The following TOP1MT variants were observed in gnomAD, a reference collection of about 807,000 sequenced individuals.
TOP1MT encodes the protein DNA topoisomerase I mitochondrial, also known as DNA topoisomerase I, mitochondrial.
In TOP1MT, 80 loss-of-function variants were observed where a neutral mutation model predicts 73.9. The ratio of observed to expected loss-of-function variants is 1.08; its 90% CI spans 0.90 to 1.30. TOP1MT has a LOEUF of 1.30. TOP1MT is among the 50% of genes most tolerant of loss of function. The probability of loss-of-function intolerance (pLI) is 0.00; values close to 1 mark genes in which losing one functional copy is unlikely to be tolerated. For missense variants in TOP1MT, 815 were observed against 808.0 expected, an observed-to-expected ratio of 1.01 and a Z score of -0.10; for synonymous variants, 338 against 326.4, an observed-to-expected ratio of 1.04 and a Z score of -0.38.
In TOP1MT at chr8:143,326,322, T is replaced by A. The variant is rs374458550; in HGVS notation, c.383A>T (p.Glu128Val). ...ACACTTGTCCAGGCTCTTGATGACTTCCCTCTCTTCCACCGCCATTTCCTG... is the reference window on the plus strand; with the variant it reads ...ACACTTGTCCAGGCTCTTGATGACTACCCTCTCTTCCACCGCCATTTCCTG... ...WRKEMAVEER[E>V]VIKSLDKCDF... is the part of the protein sequence containing the mutation. Residue 128 changes from glutamate (E) to valine (V), a missense_variant, in exon 4 of 14, where the codon GAA becomes GTA. Physicochemically the swap from Glu to Val is moderately radical, Grantham distance 121. Around this residue, in one of 3 missense-constraint regions of TOP1MT, gnomAD observed 751 missense variants for 725.4 expected, o/e 1.04. Transcript: ENST00000329245. 7 of 1,613,862 alleles carry A rather than the reference T, an allele frequency of 4.3e-6. No homozygotes were observed. The African/African-American group carries it at 5.3e-5, about 12-fold the overall frequency.
chr8:143,354,922 G>A (rs1459138875), intron 1 of TOP1MT, among the ~76,000 whole-genome samples: 1 of 152,140 alleles, frequency 6.6e-6, no homozygotes, highest in Non-Finnish European at 1.5e-5. Context: ...AAGAAAAAAA[G>A]GAAAGTGACG....
rs184814384 is a variant in TOP1MT, at chr8:143,331,261, G to C, written c.201C>G (p.Tyr67Ter). Residue 67 changes from tyrosine to a stop codon, truncating the protein, a stop_gained, in exon 2 of 14, where the codon TAC becomes TAG. Transcript: ENST00000329245. LOFTEE classifies it high-confidence loss of function. ...EHKGPYFAPP[Y>*]EPLPDGVRFF... ...AACGCACTCCGTCGGGAAGGGGCTC[G>C]TATGGGGGTGCGAAGTACGGGCCCT... The C allele has an allele frequency of 3.7e-6, 6 of 1,612,078 alleles. No homozygotes were observed. The highest frequency in any genetic ancestry group is 3.3e-5 in the Admixed American group (2 of 59,938).
intron 12 of TOP1MT, among the ~76,000 whole-genome samples, chr8:143,314,546 A>G: frequency 6.8e-6 from 1 of 147,272 alleles, no homozygotes; most frequent in South Asian, 2.2e-4. Flanking sequence ...GTGAGCTGAG[A>G]CCGCGCCAGC....
chr8:143,323,070 C>CACACGCACGCCACACACAGGCATGCCAA, intron 7 of TOP1MT, among the ~76,000 whole-genome samples: 1 of 140,628 alleles, frequency 7.1e-6, no homozygotes, highest in South Asian at 2.3e-4. Context: ...AGGCACACCA[C>CACACGCACGCCACACACAGGCATGCCAA]ACACGCACGC....
chr8:143,309,492 C>T lies in TOP1MT; in HGVS notation c.1755G>A (p.Arg585=), dbSNP rs1341307057. 6.2e-7 allele frequency: 1 copy of T among 1,614,052 alleles called. No homozygotes were observed. Among genetic ancestry groups the T allele is most frequent in the Middle Eastern group, 1.6e-4 (1 of 6,062 alleles). Residue 585 remains arginine (R), a synonymous_variant, in exon 14 of 14, where the codon CGG becomes CGA. Transcript: ENST00000329245. ...TGGCGAGAGCCCAGGCGAACCTCTC[C>T]CGCTGTGTTTTGCTGTAGATCTTCT... ...PVEKIYSKTQ[R]ERFAWALAMA...
At chr8:143,358,533 T>C (rs1344859379), upstream of TOP1MT, 1 of 152,216 alleles carries the variant, frequency 6.6e-6, no homozygotes, top group Non-Finnish European at 1.5e-5. Context: ...AAATCCATCA[T>C]CATAAACATG....
upstream of TOP1MT, among the ~76,000 whole-genome samples, chr8:143,356,528 C>T (rs1041916802): frequency 6.6e-6 from 1 of 152,218 alleles, no homozygotes; most frequent in Non-Finnish European, 1.5e-5. Context: ...TGGCTCACGC[C>T]TGTAATCCCA....
intron 8 of TOP1MT, among the ~76,000 whole-genome samples, chr8:143,320,944 G>T (rs968973373): frequency 4.6e-5 from 7 of 152,154 alleles, no homozygotes; most frequent in Non-Finnish European, 1.0e-4. Context: ...GCTCCGGCCG[G>T]GGGGCAGGAG....
At chr8:143,353,482 C>A (rs1383344180) in intron 1 of TOP1MT, among the ~76,000 whole-genome samples, 1 of 151,494 alleles carries the variant, frequency 6.6e-6, no homozygotes, top group African/African-American at 2.4e-5. Context: ...TACAAATGGC[C>A]GATAAACACA....
At position 143,329,397 on chromosome 8, in the gene TOP1MT, T is replaced by A. The variant is rs997502977; in HGVS notation, c.313A>T (p.Thr105Ser). The change falls in exon 3 of 14, where the codon ACA (threonine) becomes TCA (serine). Residue 105 changes from threonine to serine, a missense_variant. Around this residue, in one of 3 missense-constraint regions of TOP1MT, gnomAD observed 751 missense variants for 725.4 expected, o/e 1.04. Coordinates refer to ENST00000329245, the MANE Select transcript of TOP1MT (RefSeq NM_052963.3). ...TTCTTCCGGAAAACCTCCTTTGTTG[T>A]GTATTCATGATCTAACATCCTCCCA... is the stretch of plus-strand genomic sequence containing the variant. The part of the protein sequence containing the change: ...FYGRMLDHEY[T>S]TKEVFRKNFF... 7.5e-6 allele frequency: 12 copies of A among 1,610,300 alleles called. No homozygotes were observed. The highest frequency in any genetic ancestry group is 1.0e-5 in the Non-Finnish European group (12 of 1,179,066).
rs372788685 is a variant in TOP1MT at position 143,316,029 on chromosome 8, G to A, written c.1428C>T (p.Phe476=). The stretch of plus-strand genomic sequence containing the variant: ...TCTGGAGATTCTGCATCGACTTCTC[G>A]AACGTACTGGGGGTTGCTCGCTGAT... ...CNHQRATPST[F]EKSMQNLQTK... The change falls in exon 11 of 14, where the codon TTC becomes TTT. Residue 476 remains phenylalanine, a synonymous_variant. Coordinates refer to ENST00000329245, the MANE Select transcript of TOP1MT (RefSeq NM_052963.3). 18 of 1,614,014 alleles carry A rather than the reference G, an allele frequency of 1.1e-5. 1 individual carries two copies. The highest frequency in any genetic ancestry group is 6.6e-5 in the South Asian group (6 of 91,084).
At chr8:143,351,586 A>G (rs1479618705) in intron 1 of TOP1MT, among the ~76,000 whole-genome samples, 1 of 151,946 alleles carries the variant, frequency 6.6e-6, no homozygotes, top group Non-Finnish European at 1.5e-5. Context: ...TCTCAAAAAA[A>G]AAAAAAGAAA....
chr8:143,359,147 T>G, upstream of TOP1MT: 1 of 887,214 alleles, frequency 1.1e-6, no homozygotes, highest in Non-Finnish European at 1.3e-6. Context: ...GGCCCTTAAG[T>G]AGACTATTTT....
At chr8:143,310,316 G>GCCCTGT (rs1815977108) in intron 12 of TOP1MT, 99 bp from the exon 13 acceptor site, 5 of 895,572 alleles carry the variant, frequency 5.6e-6, no homozygotes, top group Non-Finnish European at 8.1e-6. Context: ...TCCCAGTGCA[G>GCCCTGT]CCCTGTCCCT....
At chr8:143,324,976 TG>T (rs1404757129) in intron 5 of TOP1MT, among the ~76,000 whole-genome samples, 7 of 152,180 alleles carry the variant, frequency 4.6e-5, no homozygotes, top group Non-Finnish European at 1.0e-4. Context: ...CTCCACCCTG[TG>T]GTCACACAGT....
chr8:143,316,772 A>T (rs956739004), intron 10 of TOP1MT, among the ~76,000 whole-genome samples: 10 of 151,996 alleles, frequency 6.6e-5, no homozygotes, highest in African/African-American at 2.4e-4. Flanking sequence ...TGGAGCGGCC[A>T]CTCCTTCACG....
intron 2 of TOP1MT, chr8:143,343,217 G>A (rs749724370): frequency 3.9e-5 from 18 of 456,144 alleles, no homozygotes; most frequent in Middle Eastern, 3.2e-4. Flanking sequence ...TTAAGATGCC[G>A]ACTTGGCCTT....
chr8:143,326,233 C>T lies in TOP1MT; in HGVS notation c.472G>A (p.Glu158Lys), dbSNP rs772002139. The change falls in exon 4 of 14, where the codon GAG becomes AAG. Residue 158 changes from glutamate to lysine, a missense_variant. Physicochemically the swap from Glu to Lys is moderately conservative, Grantham distance 56 (BLOSUM62 1). Transcript: ENST00000329245. Reference sequence around the variant, plus strand: ...CGAGGCAGCCCAACCTGCTTCTCCTCCCTGCTCAGGACTTTCCGGGCTGCG... The same window carrying T: ...CGAGGCAGCCCAACCTGCTTCTCCTTCCTGCTCAGGACTTTCCGGGCTGCG... ...KAAARKVLSREEKQKLKEEAE... is the reference protein window; with the variant it reads ...KAAARKVLSRKEKQKLKEEAE... 1 of 1,613,924 alleles carries T rather than the reference C, an allele frequency of 6.2e-7. No homozygotes were observed. The highest frequency in any genetic ancestry group is 8.5e-7 in the Non-Finnish European group (1 of 1,180,014).
chr8:143,353,401 G>A (rs1445522567), intron 1 of TOP1MT, among the ~76,000 whole-genome samples: 1 of 149,218 alleles, frequency 6.7e-6, no homozygotes, highest in Non-Finnish European at 1.5e-5. Context: ...GGGCAACAAA[G>A]TGAGACCCTG....
Sources: allele counts gnomAD v4.1 joint callset (sites outside exome capture counted in the v4.1 genomes callset), GRCh38; gene constraint gnomAD v4.1.1; regional missense constraint gnomAD v4.1.1; transcripts MANE v1.5; gene names NCBI Gene and HGNC (gene_info 2026-07-23, HGNC 2026-07-21).